The following RBMS1 variants were observed in gnomAD, a reference collection of about 807,000 sequenced individuals.
RBMS1 encodes RNA binding motif single stranded interacting protein 1.
Under a neutral mutation model 62.3 loss-of-function variants are expected in RBMS1, and 17 were observed. The observed-to-expected ratio is 0.27, with a 90% CI of 0.19 to 0.41. RBMS1 has a LOEUF of 0.41. Ranked by LOEUF, RBMS1 falls within the 10% of genes least tolerant of loss-of-function variation. The pLI is 1.00. For missense variants in RBMS1, 334 were observed against 504.5 expected (o/e 0.66, Z 3.24); for synonymous variants, 172 against 170.0 (o/e 1.01, Z -0.09).
At chr2:160,426,289 G>T (rs201142661) in intron 1 of RBMS1, among the ~76,000 whole-genome samples, 1 of 74,296 alleles carries the variant, frequency 1.3e-5, no homozygotes, top group Admixed American at 1.6e-4. Context: ...AAGAAAGAAA[G>T]AAAAGAAAGA....
At chr2:160,407,423 G>C in intron 1 of RBMS1, 1 of 986,012 alleles carries the variant, frequency 1.0e-6, no homozygotes, top group African/African-American at 1.7e-5. Flanking sequence ...TGTAACGCGG[G>C]GCTCGCCGAC....
chr2:160,425,162 CACT>C (rs1682497663), intron 1 of RBMS1, among the ~76,000 whole-genome samples: 1 of 152,150 alleles, frequency 6.6e-6, no homozygotes. Flanking sequence ...CATTTAAAAG[CACT>C]ACTATTTTTT....
chr2:160,396,542 CTTTTTATCTTTT>C (rs1695147401), intron 1 of RBMS1, among the ~76,000 whole-genome samples: 2 of 112,842 alleles, frequency 1.8e-5, no homozygotes, highest in Non-Finnish European at 3.7e-5. Context: ...AGGGACTTTT[CTTTTTATCTTTT>C]TTTTTTTTTT....
intron 2 of RBMS1, among the ~76,000 whole-genome samples, chr2:160,354,774 G>A (rs1170101562): frequency 6.6e-6 from 1 of 152,124 alleles, no homozygotes; most frequent in African/African-American, 2.4e-5. Flanking sequence ...AAGAAAAAAT[G>A]AGGGAGACAA....
chr2:160,388,735 C>G (rs1043324421), intron 1 of RBMS1, among the ~76,000 whole-genome samples: 1 of 152,212 alleles, frequency 6.6e-6, no homozygotes, highest in Non-Finnish European at 1.5e-5. Context: ...AAGCAATTTC[C>G]GGTTCCCTGA....
chr2:160,426,779 T>A (rs1159199619), intron 1 of RBMS1, among the ~76,000 whole-genome samples: 1 of 152,164 alleles, frequency 6.6e-6, no homozygotes, highest in African/African-American at 2.4e-5. Context: ...TCATTCCGGG[T>A]GACTTCTAAA....
intron 1 of RBMS1, among the ~76,000 whole-genome samples, chr2:160,378,057 A>G (rs920455823): frequency 6.6e-6 from 1 of 152,050 alleles, no homozygotes; most frequent in Non-Finnish European, 1.5e-5. Context: ...AGCCTCTTTT[A>G]TACCTCAGAT....
At chr2:160,427,834 T>C (rs918938678) in intron 1 of RBMS1, among the ~76,000 whole-genome samples, 3 of 152,226 alleles carry the variant, frequency 2.0e-5, no homozygotes, top group African/African-American at 7.2e-5. Flanking sequence ...AATTTCATTC[T>C]CTTCAGGAAG....
intron 13 of RBMS1, chr2:160,275,368 G>A: frequency 2.6e-6 from 1 of 382,580 alleles, no homozygotes; most frequent in Admixed American, 4.9e-5. Flanking sequence ...GTTCTCTGAT[G>A]TTACAGATTT....
In RBMS1 at chr2:160,399,632, T is replaced by C. The variant is rs375815568; in HGVS notation, c.76-32241A>G. Among the ~76,000 whole-genome samples, 19 of 152,318 alleles carry C rather than the reference T, an allele frequency of 1.2e-4. No individual in the cohort carries two copies. In the East Asian group the frequency reaches 2.3e-3, roughly 19 times the overall value. ...TTAAACAAAAGAACTATTCACTGTC[T>C]TAGAATTGGTCTGATACATTTAACA... On this transcript the variant is annotated intron_variant, in intron 1 of 13. Transcript: ENST00000348849.
chr2:160,366,253 T>C (rs1457968793), intron 2 of RBMS1, among the ~76,000 whole-genome samples: 1 of 152,204 alleles, frequency 6.6e-6, no homozygotes, highest in Non-Finnish European at 1.5e-5. Flanking sequence ...TTTTGAATTT[T>C]TTTTTCTTAA....
At chr2:160,311,210 A>ATCTCTCTCTCTCTCTCCCTC (rs1361792296) in intron 4 of RBMS1, among the ~76,000 whole-genome samples, 1 of 56,612 alleles carries the variant, frequency 1.8e-5, no homozygotes, top group Non-Finnish European at 3.7e-5. Context: ...AAAAAAAAAA[A>ATCTCTCTCTCTCTCTCCCTC]TCTATCTATC....
chr2:160,451,166 A>AAAAATAAAT (rs985879438), intron 1 of RBMS1, among the ~76,000 whole-genome samples: 5 of 150,394 alleles, frequency 3.3e-5, no homozygotes, highest in South Asian at 2.1e-4. Context: ...CAGAAAAAAA[A>AAAAATAAAT]AAATAAATAA....
At chr2:160,330,793 C>A (rs1305385984) in intron 2 of RBMS1, among the ~76,000 whole-genome samples, 1 of 151,954 alleles carries the variant, frequency 6.6e-6, no homozygotes, top group African/African-American at 2.4e-5. Context: ...GAACTGTGTT[C>A]CCCCAAAAGA....
chr2:160,356,527 C>G (rs1483038436), intron 2 of RBMS1, among the ~76,000 whole-genome samples: 2 of 152,094 alleles, frequency 1.3e-5, no homozygotes, highest in African/African-American at 2.4e-5. Context: ...CACAGTGGTT[C>G]AGAGGATGAG....
At chr2:160,303,265 A>G (rs1689313278) in intron 5 of RBMS1, 65 bp downstream of exon 5, 2 of 1,457,716 alleles carry the variant, frequency 1.4e-6, no homozygotes, top group Non-Finnish European at 1.8e-6. Context: ...GTCATTTTTA[A>G]TTTTCCAAGA....
intron 6 of RBMS1, among the ~76,000 whole-genome samples, chr2:160,293,330 A>T (rs1472664489): frequency 1.3e-5 from 2 of 152,154 alleles, no homozygotes; most frequent in Non-Finnish European, 2.9e-5. Context: ...GAGTTATGAA[A>T]TGTGGGCAAG....
At chr2:160,364,431 C>T (rs1188823076) in intron 2 of RBMS1, among the ~76,000 whole-genome samples, 1 of 152,192 alleles carries the variant, frequency 6.6e-6, no homozygotes, top group Non-Finnish European at 1.5e-5. Context: ...GATTACCTGA[C>T]AGCACTGTCA....
chr2:160,482,418 A>G (rs1417763337), intron 1 of RBMS1, among the ~76,000 whole-genome samples: 7 of 78,168 alleles, frequency 9.0e-5, no homozygotes, highest in African/African-American at 3.0e-4. Flanking sequence ...TAAGTTTTAA[A>G]TAAACAAATA....
Sources: allele counts gnomAD v4.1 joint callset (sites outside exome capture counted in the v4.1 genomes callset), GRCh38; gene constraint gnomAD v4.1.1; transcripts MANE v1.5; gene names NCBI Gene and HGNC (gene_info 2026-07-23, HGNC 2026-07-21).